Variants in HECW1 observed in about 807,000 individuals in gnomAD.
The protein encoded by HECW1 is E3 ubiquitin-protein ligase HECW1.
A neutral mutation model predicts 182.3 loss-of-function variants in HECW1; 61 were observed. The ratio of observed to expected loss-of-function variants is 0.33; its 90% confidence interval spans 0.27 to 0.41. The LOEUF is 0.41. Among genes scored for constraint, HECW1 ranks in the 10% least tolerant of loss-of-function variants. The pLI is 1.00. For synonymous variants in HECW1, 859 were observed against 832.6 expected, an observed-to-expected ratio of 1.03 and a Z score of -0.55; for missense variants, 1,739 against 2,108.9, an observed-to-expected ratio of 0.82 and a Z score of 3.44.
intron 2 of HECW1, among the ~76,000 whole-genome samples, chr7:43,183,591 A>G (rs1430600987): frequency 6.6e-6 from 1 of 152,232 alleles, no homozygotes. Flanking sequence ...TTTAAAAATA[A>G]TAAAATATAA....
chr7:43,393,014 T>A (rs1034337040), intron 6 of HECW1, among the ~76,000 whole-genome samples: 3 of 152,162 alleles, frequency 2.0e-5, no homozygotes, highest in African/African-American at 7.2e-5. Flanking sequence ...TGAATTAACC[T>A]CAAAGCTCTT....
At position 43,181,663 on chromosome 7, in the gene HECW1, C is replaced by T. The variant is rs1792869768; in HGVS notation, c.-31-62212C>T. ...GAAATGTCTATTCAGATCTTTTGTT[C>T]ATTTTAAAATTGAATTATTTGGGTT... is the stretch of plus-strand genomic sequence containing the variant. On this transcript the variant is annotated intron_variant, in intron 2 of 29. Transcript: ENST00000395891. Among the ~76,000 whole-genome samples the T allele has an allele frequency of 2.7e-5, 4 of 150,710 alleles. 1 individual carries two copies. Among genetic ancestry groups the T allele is most frequent in the South Asian group, 4.1e-4 (2 of 4,824 alleles).
At chr7:43,255,298 A>G (rs1212353548) in intron 3 of HECW1, among the ~76,000 whole-genome samples, 1 of 152,242 alleles carries the variant, frequency 6.6e-6, no homozygotes, top group East Asian at 1.9e-4. Flanking sequence ...TCACCGTTGC[A>G]TAAAATAAGA....
intron 5 of HECW1, among the ~76,000 whole-genome samples, chr7:43,355,709 A>T (rs1815042328): frequency 6.6e-6 from 1 of 152,174 alleles, no homozygotes; most frequent in South Asian, 2.1e-4. Context: ...AACCAACCAG[A>T]GGCCAGGCAC....
Position 43,434,163 on chromosome 7 carries a change from A to C in HECW1, c.802-3840A>C, listed in dbSNP as rs139545924. On this transcript the variant is annotated intron_variant, in intron 8 of 29. Coordinates refer to ENST00000395891, the MANE Select transcript of HECW1 (RefSeq NM_015052.5). The stretch of plus-strand genomic sequence containing the variant: ...TAGGACAATCATAGATTTTGTCTGC[A>C]TACTAAGCATTTGAAATAGGCCTAC... Among the ~76,000 whole-genome samples the C allele has an allele frequency of 9.7e-4, 147 of 152,244 alleles. 3 individuals carry two copies. The East Asian group carries it at 0.024, about 25-fold the overall frequency.
intron 5 of HECW1, among the ~76,000 whole-genome samples, chr7:43,349,602 A>G (rs1354584632): frequency 1.3e-5 from 2 of 152,222 alleles, no homozygotes; most frequent in African/African-American, 4.8e-5. Flanking sequence ...TTTTACCCTT[A>G]CATACTGTCC....
At chr7:43,157,312 A>C (rs1430176488) in intron 2 of HECW1, among the ~76,000 whole-genome samples, 2 of 152,218 alleles carry the variant, frequency 1.3e-5, no homozygotes, top group Non-Finnish European at 2.9e-5. Flanking sequence ...AAACATCCAA[A>C]AAAATGTTAT....
intron 3 of HECW1, among the ~76,000 whole-genome samples, chr7:43,278,291 C>T (rs1803430210): frequency 6.6e-6 from 1 of 152,180 alleles, no homozygotes; most frequent in African/African-American, 2.4e-5. Context: ...CCGGCCAAAA[C>T]CTGTGGTGTC....
At chr7:43,150,728 T>C (rs1690543204) in intron 2 of HECW1, among the ~76,000 whole-genome samples, 1 of 152,162 alleles carries the variant, frequency 6.6e-6, no homozygotes, top group African/African-American at 2.4e-5. Context: ...AACCAGTCAG[T>C]GCTTTGTGAT....
At chr7:43,549,743 T>C (rs1335591645) in intron 26 of HECW1, among the ~76,000 whole-genome samples, 2 of 152,092 alleles carry the variant, frequency 1.3e-5, no homozygotes, top group Non-Finnish European at 2.9e-5. Context: ...GGCTGTGTAA[T>C]ATTATACCCC....
intron 3 of HECW1, among the ~76,000 whole-genome samples, chr7:43,262,075 G>A (rs1402256725): frequency 6.6e-6 from 1 of 152,010 alleles, no homozygotes; most frequent in Non-Finnish European, 1.5e-5. Context: ...ACAAAAATTA[G>A]CCAAGCATGG....
intron 4 of HECW1, 91 bp from the exon 5 acceptor site, chr7:43,320,544 G>A (rs1809976001): frequency 4.6e-6 from 4 of 864,708 alleles, no homozygotes; most frequent in Non-Finnish European, 7.6e-6. Flanking sequence ...GATGGAAGCA[G>A]CATTTGTATC....
intron 17 of HECW1, among the ~76,000 whole-genome samples, chr7:43,490,555 C>T (rs2078889563): frequency 6.6e-6 from 1 of 152,120 alleles, no homozygotes; most frequent in African/African-American, 2.4e-5. Context: ...TGTGGAAAAT[C>T]TATAATGCCT....
chr7:43,207,734 C>T (rs1032553222), intron 2 of HECW1: 5 of 152,184 alleles, frequency 3.3e-5, no homozygotes, highest in Non-Finnish European at 7.3e-5. Flanking sequence ...TGGTGCCTAA[C>T]TTTCTATTCC....
chr7:43,455,692 G>A (rs10270335), intron 12 of HECW1, among the ~76,000 whole-genome samples: 4,110 of 152,144 alleles, frequency 0.027, 87 homozygotes, highest in East Asian at 0.095. Context: ...TTTTGTATTC[G>A]TCACACCATC....
chr7:43,381,763 A>G (rs774614382), intron 6 of HECW1, among the ~76,000 whole-genome samples: 12 of 152,080 alleles, frequency 7.9e-5, no homozygotes, highest in Admixed American at 5.9e-4. Context: ...ACCTCAGGTG[A>G]TCTGCCTGCC....
chr7:43,489,613 A>G lies in HECW1; in HGVS notation c.3235-2462A>G, dbSNP rs2078852062. On this transcript the variant is annotated intron_variant, in intron 17 of 29. Coordinates refer to ENST00000395891, the MANE Select transcript of HECW1 (RefSeq NM_015052.5). ...AAATCTACTCCCTTGTCCTTCAAGT[A>G]GGCCATGGGCAATAAGAAGGACCAG... 2.0e-5 allele frequency among the ~76,000 whole-genome samples: 3 copies of G among 152,236 alleles called. No individual in the cohort carries two copies. The South Asian group carries it at 6.2e-4, about 32-fold the overall frequency.
chr7:43,474,240 CA>C (rs1445116949), intron 16 of HECW1, among the ~76,000 whole-genome samples: 4 of 151,994 alleles, frequency 2.6e-5, no homozygotes. Flanking sequence ...ACGAGGTCAG[CA>C]GATCGAGACC....
At chr7:43,427,281 A>G (rs373558924) in intron 8 of HECW1, among the ~76,000 whole-genome samples, 2 of 152,332 alleles carry the variant, frequency 1.3e-5, no homozygotes, top group South Asian at 4.1e-4. Flanking sequence ...TGCCACAGTC[A>G]AATATGGAAG....
Sources: allele counts gnomAD v4.1 joint callset (sites outside exome capture counted in the v4.1 genomes callset), GRCh38; gene constraint gnomAD v4.1.1; transcripts MANE v1.5; gene names NCBI Gene and HGNC (gene_info 2026-07-23, HGNC 2026-07-21).